The following RHBDF1 variants were observed in gnomAD, a reference collection of about 807,000 sequenced individuals.
The protein encoded by RHBDF1 is rhomboid 5 homolog 1, also known as inactive rhomboid protein 1.
RHBDF1 carries 80 observed loss-of-function variants against 98.6 expected under a neutral mutation model. The ratio of observed to expected loss-of-function variants is 0.81; its 90% confidence interval spans 0.68 to 0.98. The LOEUF is 0.98. Ranked by LOEUF, RHBDF1 falls within the 50% of genes least tolerant of loss-of-function variation. The pLI, the probability that RHBDF1 is intolerant of heterozygous loss-of-function variation, is 0.00. For synonymous variants in RHBDF1, 512 were observed against 486.8 expected (o/e 1.05, Z -0.68); for missense variants, 1,116 against 1,198.3 (o/e 0.93, Z 1.01).
intron 1 of RHBDF1, among the ~76,000 whole-genome samples, chr16:71,998 C>T (rs1228256087): frequency 6.6e-6 from 1 of 151,880 alleles, no homozygotes; most frequent in Non-Finnish European, 1.5e-5. Context: ...ACCCCCAGCT[C>T]CACGGCTCCT....
At chr16:72,655 G>A (rs1308331481), upstream of RHBDF1, 18 of 971,840 alleles carry the variant, frequency 1.9e-5, no homozygotes, top group Non-Finnish European at 2.2e-5. Context: ...GCGTGCGCCC[G>A]GGGGCGGGCC....
chr16:69,431 C>A (rs958062358), intron 1 of RHBDF1, among the ~76,000 whole-genome samples: 4 of 152,150 alleles, frequency 2.6e-5, no homozygotes, highest in African/African-American at 9.7e-5. Context: ...AGCAAGGGGC[C>A]TCACCCCGGG....
intron 11 of RHBDF1, 90 bp from the exon 12 acceptor site, chr16:60,629 G>T: frequency 1.1e-6 from 1 of 885,868 alleles, no homozygotes; most frequent in East Asian, 2.5e-5. Context: ...AAACCACTGA[G>T]CTCTTCCCTC....
In RHBDF1 at chr16:58,977, T is replaced by C; in HGVS notation, c.2145A>G (p.Ala715=). The change falls in exon 17 of 18, where the codon GCA becomes GCG. Residue 715 remains alanine (A), a synonymous_variant. Coordinates refer to ENST00000262316, the MANE Select transcript of RHBDF1 (RefSeq NM_022450.5). ...CCACCCTGAGGGCCAGCCTTACCTC[T>C]GCTCGGTATGGCAGGAAGATGGCAC... is the stretch of plus-strand genomic sequence containing the variant. ...LASAIFLPYR[A]EVGPAGSQFG... 2 of 1,613,244 alleles carry C rather than the reference T, an allele frequency of 1.2e-6. No individual in the cohort carries two copies. Among genetic ancestry groups the C allele is most frequent in the Non-Finnish European group, 1.7e-6 (2 of 1,179,968 alleles).
chr16:65,181 T>G (rs1488755289), intron 1 of RHBDF1, 142 bp from the exon 2 acceptor site: 27 of 885,488 alleles, frequency 3.0e-5, no homozygotes, highest in Non-Finnish European at 4.0e-5. Context: ...TACTGTGTGC[T>G]CAGCACCGAC....
rs775012826 is a variant in RHBDF1, at chr16:64,756, T to TGGTGGGGTGAAGAGA, written c.176_190dup (p.His63_His64insLeuSerSerProHis). The stretch of plus-strand genomic sequence containing the variant: ...TTGCAGCACCGGCCGCCGGAGCTCA[T>TGGTGGGGTGAAGAGA]GGTGGGGTGAAGAGATGTGGGCTGT... On this transcript the variant is annotated inframe_insertion, in exon 3 of 18. Coordinates refer to ENST00000262316, the MANE Select transcript of RHBDF1 (RefSeq NM_022450.5). 11 of 1,613,890 alleles carry TGGTGGGGTGAAGAGA rather than the reference T, an allele frequency of 6.8e-6. No individual in the cohort carries two copies. Among genetic ancestry groups the TGGTGGGGTGAAGAGA allele is most frequent in the Non-Finnish European group, 9.3e-6 (11 of 1,179,944 alleles).
chr16:60,495 G>C lies in RHBDF1; in HGVS notation c.1602C>G (p.Ala534=). 6.2e-7 allele frequency: 1 copy of C among 1,611,570 alleles called. No homozygotes were observed. The highest frequency in any genetic ancestry group is 8.5e-7 in the Non-Finnish European group (1 of 1,179,996). The change falls in exon 12 of 18, where the codon GCC becomes GCG. Residue 534 remains alanine, a synonymous_variant. Coordinates refer to ENST00000262316, the MANE Select transcript of RHBDF1 (RefSeq NM_022450.5). ...GTCTCTTGTGGCCCGCAAGCTCTGG[G>C]GCGCTGGGATGGATGGGCCACTTCA... ...VWVKWPIHPS[A]PELAGHKRQF... is the part of the protein sequence containing the mutation.
Position 59,436 on chromosome 16 carries a change from C to A in RHBDF1, c.1876G>T (p.Ala626Ser). The A allele has an allele frequency of 6.2e-7, 1 of 1,613,808 alleles. No homozygotes were observed. The highest frequency in any genetic ancestry group is 1.7e-5 in the Admixed American group (1 of 60,014). Reference protein sequence around the residue: ...DFMRGYFHEEATLCSQVHCMD... With the variant: ...DFMRGYFHEESTLCSQVHCMD... ...AGACCTACCTGAGAGCAGAGCGTGGCCTCCTCATGGAAGTAGCCCCTCATG... is the reference window on the plus strand; with the variant it reads ...AGACCTACCTGAGAGCAGAGCGTGGACTCCTCATGGAAGTAGCCCCTCATG... The change falls in exon 15 of 18, where the codon GCC (alanine) becomes TCC (serine). Residue 626 changes from alanine (A) to serine (S), a missense_variant. Physicochemically the swap from Ala to Ser is moderately conservative, Grantham distance 99 (BLOSUM62 1). Transcript: ENST00000262316.
Position 69,270 on chromosome 16 carries a change from C to T in RHBDF1, c.-25+3243G>A, listed in dbSNP as rs1216291929. Among the ~76,000 whole-genome samples, 3 of 152,186 alleles carry T rather than the reference C, an allele frequency of 2.0e-5. No individual in the cohort carries two copies. In the East Asian group the frequency reaches 5.8e-4, roughly 29 times the overall value. On this transcript the variant is annotated intron_variant, in intron 1 of 17. Transcript: ENST00000262316. ...CTGCATCCTCAGGTGTGAGCAGCAA[C>T]CACCTCTGTACTCAGGCCTGCCCTG... is the stretch of plus-strand genomic sequence containing the variant.
Position 58,710 on chromosome 16 carries a change from T to C in RHBDF1, c.2198A>G (p.Glu733Gly). The C allele has an allele frequency of 6.2e-7, 1 of 1,612,854 alleles. No homozygotes were observed. The highest frequency in any genetic ancestry group is 8.5e-7 in the Non-Finnish European group (1 of 1,179,838). ...CAGGATCTGCCAGCTCTGGAAGAGC[T>C]CCACGAAGAGGCAGGCCAGGATGCC... Reference protein sequence around the residue: ...QFGILACLFVELFQSWQILAR... With the variant: ...QFGILACLFVGLFQSWQILAR... Residue 733 changes from glutamate (E) to glycine (G), a missense_variant, in exon 18 of 18, where the codon GAG becomes GGG. Transcript: ENST00000262316.
At chr16:73,214 G>A (rs1407259702), upstream of RHBDF1, among the ~76,000 whole-genome samples, 1 of 152,056 alleles carries the variant, frequency 6.6e-6, no homozygotes, top group Non-Finnish European at 1.5e-5. Context: ...TCTTTCATGG[G>A]TACATACACG....
rs749401674 is a variant in RHBDF1, at chr16:61,429, C to T, written c.1351G>A (p.Val451Ile). ...VLRNRGVYEN[V>I]KYVQQENFWI... ...AAGTTCTCCTGCTGCACGTACTTGA[C>T]GTTCTCGTAGACCCCGCGGTTCCGC... The change falls in exon 10 of 18, where the codon GTC becomes ATC. Residue 451 changes from valine (V) to isoleucine (I), a missense_variant. Val to Ile is a conservative substitution (Grantham distance 29). Transcript: ENST00000262316. 9 of 1,612,316 alleles carry T rather than the reference C, an allele frequency of 5.6e-6. No individual in the cohort carries two copies. Among genetic ancestry groups the T allele is most frequent in the African/African-American group, 4.0e-5 (3 of 74,926 alleles).
intron 13 of RHBDF1, 188 bp downstream of exon 13, chr16:60,028 C>T (rs1414590168): frequency 6.8e-7 from 1 of 1,475,750 alleles, no homozygotes. Flanking sequence ...ATCTAGTTCT[C>T]TTGATCTACT....
intron 1 of RHBDF1, among the ~76,000 whole-genome samples, chr16:67,899 G>A (rs904688385): frequency 1.4e-4 from 22 of 152,190 alleles, no homozygotes; most frequent in Non-Finnish European, 2.9e-4. Context: ...ATGCAAGCAG[G>A]AACAGTCAGG....
At chr16:65,804 TGA>T (rs1206271528) in intron 1 of RHBDF1, among the ~76,000 whole-genome samples, 1 of 152,182 alleles carries the variant, frequency 6.6e-6, no homozygotes, top group Non-Finnish European at 1.5e-5. Flanking sequence ...TGGGCACAAA[TGA>T]CTTTCCAGAA....
At position 58,331 on chromosome 16, in the gene RHBDF1, G is replaced by A. The variant is rs372487576; in HGVS notation, c.*9C>T. ...CTGGAGCACACGGCCGCTGGAGCCCGCAGCCAGCTCAGTGGAGCTGAGCGT... is the reference window on the plus strand; with the variant it reads ...CTGGAGCACACGGCCGCTGGAGCCCACAGCCAGCTCAGTGGAGCTGAGCGT... On this transcript the variant is annotated 3_prime_UTR_variant, in exon 18 of 18. Transcript: ENST00000262316. 3.9e-5 allele frequency: 63 copies of A among 1,603,930 alleles called. No individual in the cohort carries two copies. Among genetic ancestry groups the A allele is most frequent in the East Asian group, 6.7e-5 (3 of 44,714 alleles).
At chr16:64,630 C>A in intron 3 of RHBDF1, 69 bp downstream of exon 3, 1 of 1,558,748 alleles carries the variant, frequency 6.4e-7, no homozygotes, top group South Asian at 1.2e-5. Context: ...TTTCCATCCT[C>A]TGTGTACCTG....
Position 61,830 on chromosome 16 carries a change from G to A in RHBDF1, c.1176C>T (p.Val392=). ...RTYRKRIDSF[V]KRQIEDMDDH... ...CGTCCATGTCCTCGATCTGGCGCTT[G>A]ACGAAGCTGTCGATGCGCTTGCGGT... The change falls in exon 8 of 18, where the codon GTC becomes GTT. Residue 392 remains valine (V), a synonymous_variant. Coordinates refer to ENST00000262316, the MANE Select transcript of RHBDF1 (RefSeq NM_022450.5). The A allele has an allele frequency of 4.3e-6, 7 of 1,612,650 alleles. No homozygotes were observed. The highest frequency in any genetic ancestry group is 5.9e-6 in the Non-Finnish European group (7 of 1,179,786).
chr16:74,557 G>C (rs945522797), upstream of RHBDF1: 1 of 152,058 alleles, frequency 6.6e-6, no homozygotes, highest in Non-Finnish European at 1.5e-5. Context: ...CAAATCCCCA[G>C]CTCAGAGCCT....
Sources: gnomAD v4.1 joint callset for allele counts (sites outside exome capture counted in the v4.1 genomes callset) on GRCh38, gnomAD v4.1.1 for gene constraint, MANE v1.5 for transcripts, NCBI Gene and HGNC (gene_info 2026-07-23, HGNC 2026-07-21) for gene names.